Variants in ADGRD1 observed in about 807,000 individuals in gnomAD.
ADGRD1 encodes the protein adhesion G protein-coupled receptor D1.
A neutral mutation model predicts 113.4 loss-of-function variants in ADGRD1; 77 were observed. That is an observed-to-expected ratio of 0.68 (90% CI 0.57 to 0.82). The LOEUF (loss-of-function observed/expected upper bound fraction) is 0.82. Ranked by LOEUF, ADGRD1 falls within the 40% of genes least tolerant of loss-of-function variation. The probability of loss-of-function intolerance (pLI) is 0.00; values close to 1 mark genes in which losing one functional copy is unlikely to be tolerated. For missense variants in ADGRD1, 1,036 were observed against 1,139.1 expected, an observed-to-expected ratio of 0.91 and a Z score of 1.30; for synonymous variants, 474 against 475.0, an observed-to-expected ratio of 1.00 and a Z score of 0.03.
chr12:130,964,562 G>A (rs749762839), intron 2 of ADGRD1, among the ~76,000 whole-genome samples: 4 of 152,154 alleles, frequency 2.6e-5, no homozygotes, highest in Non-Finnish European at 5.9e-5. Flanking sequence ...GTCGGTGCCT[G>A]TAATCCCAGC....
rs368893109 is a variant in ADGRD1 at position 131,004,311 on chromosome 12, G to A, written c.1255+15G>A. 1,560 of 1,557,812 alleles carry A rather than the reference G, an allele frequency of 1.0e-3. 2 individuals are homozygous for A. Among genetic ancestry groups the A allele is most frequent in the Non-Finnish European group, 1.2e-3 (1,375 of 1,129,620 alleles). On this transcript the variant is annotated intron_variant, in intron 11 of 24. Transcript: ENST00000261654. Reference sequence around the variant, plus strand: ...CCACAGGCACGGTGAGTGTGGCTGCGCTGGACTCCCTTCCGGGGCGGCTCC... The same window carrying A: ...CCACAGGCACGGTGAGTGTGGCTGCACTGGACTCCCTTCCGGGGCGGCTCC...
At chr12:130,992,152 C>A in intron 7 of ADGRD1, 85 bp from the exon 8 acceptor site, 3 of 991,760 alleles carry the variant, frequency 3.0e-6, no homozygotes, top group Non-Finnish European at 4.4e-6. Flanking sequence ...AAAAAGCATT[C>A]GACCCAGAGT....
chr12:131,083,051 A>G (rs963714100), intron 14 of ADGRD1, among the ~76,000 whole-genome samples: 1 of 152,236 alleles, frequency 6.6e-6, no homozygotes, highest in African/African-American at 2.4e-5. Flanking sequence ...GACATTGGCC[A>G]GAGAGGTACA....
In ADGRD1 at chr12:130,955,123, C is replaced by CT. The variant is rs71451389; in HGVS notation, c.103+476dup. ...CACAGGTGTGCACCACTACACCCAG[C>CT]TTTTTTTTTTTTTGTATTTTTAGTA... On this transcript the variant is annotated intron_variant, in intron 2 of 24. Transcript: ENST00000261654. Among the ~76,000 whole-genome samples, 238 of 99,670 alleles carry CT rather than the reference C, an allele frequency of 2.4e-3. 7 individuals carry two copies. The highest frequency in any genetic ancestry group is 0.015 in the South Asian group (48 of 3,118). The allele number at this position is 99,670 out of a possible 152,430, so 65.4% of individuals were successfully genotyped here.
chr12:130,997,368 G>A (rs1364745880), intron 8 of ADGRD1, among the ~76,000 whole-genome samples: 5 of 149,852 alleles, frequency 3.3e-5, no homozygotes, highest in Admixed American at 6.6e-5. Flanking sequence ...CTTCCCAGAC[G>A]GGGTGGCTGC....
chr12:131,044,266 C>T (rs916625790), intron 13 of ADGRD1, among the ~76,000 whole-genome samples: 2 of 152,192 alleles, frequency 1.3e-5, no homozygotes, highest in Non-Finnish European at 2.9e-5. Flanking sequence ...GCCGTCCTCA[C>T]ATGGGTGCCC....
intron 9 of ADGRD1, chr12:131,002,384 TA>T: frequency 5.5e-6 from 2 of 366,578 alleles, no homozygotes; most frequent in Non-Finnish European, 7.6e-6. Context: ...GCTATGGGCC[TA>T]AAAGCAAATA....
rs780500944 is a variant in ADGRD1 at position 130,987,309 on chromosome 12, G to T, written c.705G>T (p.Leu235=). ...FDEFIIWERA[L]TPDEIAMYFT... Reference sequence around the variant, plus strand: ...AGTTCATCATCTGGGAGCGGGCTCTGACTCCGGATGAGATCGCCATGTACT... The same window carrying T: ...AGTTCATCATCTGGGAGCGGGCTCTTACTCCGGATGAGATCGCCATGTACT... The change falls in exon 6 of 25, where the codon CTG becomes CTT. Residue 235 remains leucine, a synonymous_variant. Transcript: ENST00000261654. 1.4e-5 allele frequency: 22 copies of T among 1,614,214 alleles called. No homozygotes were observed. In the South Asian group the frequency reaches 2.0e-4, roughly 15 times the overall value.
chr12:131,123,650 C>T (rs1407318144), intron 20 of ADGRD1, among the ~76,000 whole-genome samples: 5 of 151,720 alleles, frequency 3.3e-5, no homozygotes, highest in Non-Finnish European at 7.4e-5. Context: ...TGAAACCCCG[C>T]CTCTACTAAA....
chr12:130,971,501 G>C lies in ADGRD1; in HGVS notation c.231G>C (p.Glu77Asp). ...TCAACAAAGGCATTTACCTGAAAGAGGAAAAGGGAGTCACGCTTCTCTATT... is the reference window on the plus strand; with the variant it reads ...TCAACAAAGGCATTTACCTGAAAGACGAAAAGGGAGTCACGCTTCTCTATT... ...GKVNKGIYLK[E>D]EKGVTLLYYG... The change falls in exon 4 of 25, where the codon GAG (glutamate) becomes GAC (aspartate). Residue 77 changes from glutamate (E) to aspartate (D), a missense_variant. Glu to Asp is a conservative substitution (Grantham distance 45, BLOSUM62 2). Coordinates refer to ENST00000261654, the MANE Select transcript of ADGRD1 (RefSeq NM_198827.5). The surrounding 1 kb of genome is among the most constrained non-coding windows in gnomAD (Gnocchi z 4.2). 1 of 1,613,698 alleles carries C rather than the reference G, an allele frequency of 6.2e-7. No homozygotes were observed. Among genetic ancestry groups the C allele is most frequent in the Non-Finnish European group, 8.5e-7 (1 of 1,179,758 alleles).
intron 13 of ADGRD1, among the ~76,000 whole-genome samples, chr12:131,046,954 C>T (rs1882901548): frequency 6.7e-6 from 1 of 149,908 alleles, no homozygotes; most frequent in Non-Finnish European, 1.5e-5. Context: ...GGTCAGTGTC[C>T]TCCCTGGTCA....
intron 13 of ADGRD1, among the ~76,000 whole-genome samples, chr12:131,029,112 G>A (rs1880319102): frequency 6.6e-6 from 1 of 152,184 alleles, no homozygotes; most frequent in Admixed American, 6.5e-5. Context: ...TTTTCTTTAT[G>A]TTGTAACCAC....
At chr12:131,038,791 TC>T (rs751292355) in intron 13 of ADGRD1, among the ~76,000 whole-genome samples, 63 of 152,286 alleles carry the variant, frequency 4.1e-4, no homozygotes, top group Non-Finnish European at 8.5e-4. Flanking sequence ...ATGTGATGGG[TC>T]CCCTAGACCC....
At chr12:131,076,618 GCAGCA>G (rs1282041949) in intron 13 of ADGRD1, among the ~76,000 whole-genome samples, 178 bp from the exon 14 acceptor site, 42 of 152,192 alleles carry the variant, frequency 2.8e-4, no homozygotes, top group African/African-American at 9.6e-4. Context: ...AGAGCAGAGG[GCAGCA>G]TGACCTGGGC....
At chr12:131,070,560 C>T (rs984554886) in intron 13 of ADGRD1, 19 of 215,468 alleles carry the variant, frequency 8.8e-5, no homozygotes, top group African/African-American at 3.4e-4. Flanking sequence ...GTCTGAGACG[C>T]GCTTTAGAAG....
intron 8 of ADGRD1, among the ~76,000 whole-genome samples, chr12:130,992,755 C>A (rs1459261850): frequency 1.3e-5 from 2 of 152,274 alleles, no homozygotes; most frequent in Non-Finnish European, 2.9e-5. Flanking sequence ...ACTGGCAGAT[C>A]CAGCCGTGGG....
chr12:131,013,511 T>A (rs1878182880), intron 12 of ADGRD1, among the ~76,000 whole-genome samples: 1 of 152,134 alleles, frequency 6.6e-6, no homozygotes, highest in Non-Finnish European at 1.5e-5. Context: ...CAGATTTGAC[T>A]GGATTGGGTG....
intron 13 of ADGRD1, among the ~76,000 whole-genome samples, chr12:131,046,183 C>A (rs1409569632): frequency 7.4e-6 from 1 of 135,994 alleles, no homozygotes; most frequent in African/African-American, 2.8e-5. Context: ...CTGGTCAATG[C>A]TCCCTCCCTG....
intron 13 of ADGRD1, among the ~76,000 whole-genome samples, chr12:131,046,443 T>TGGTCAGCGCTCC (rs1442580896): frequency 1.9e-5 from 1 of 53,374 alleles, no homozygotes; most frequent in African/African-American, 1.0e-4. Flanking sequence ...CAGTGTCCTC[T>TGGTCAGCGCTCC]CTCCCTGGTC....
Sources: gnomAD v4.1 joint callset for allele counts (sites outside exome capture counted in the v4.1 genomes callset) on GRCh38, gnomAD v4.1.1 for gene constraint, Gnocchi (gnomAD v3.1) non-coding constraint, MANE v1.5 for transcripts, NCBI Gene and HGNC (gene_info 2026-07-23, HGNC 2026-07-21) for gene names.